TCERG1L: variants seen among roughly 807,000 people sequenced by gnomAD.
The protein encoded by TCERG1L is transcription elongation regulator 1-like protein.
Under a neutral mutation model 56.3 loss-of-function variants are expected in TCERG1L, and 37 were observed. That is an observed-to-expected ratio of 0.66 (90% CI 0.51 to 0.87). The LOEUF is 0.87. TCERG1L is among the 40% of genes least tolerant of loss of function. The pLI is 0.00. For missense variants in TCERG1L, 799 were observed against 774.2 expected, an observed-to-expected ratio of 1.03 and a Z score of -0.38; for synonymous variants, 324 against 326.3, an observed-to-expected ratio of 0.99 and a Z score of 0.08.
At chr10:131,275,161 G>A (rs766425055) in intron 3 of TCERG1L, among the ~76,000 whole-genome samples, 1 of 152,206 alleles carries the variant, frequency 6.6e-6, no homozygotes, top group Non-Finnish European at 1.5e-5. Flanking sequence ...CAGAGCTAAG[G>A]AGCTAAGAGG....
intron 4 of TCERG1L, among the ~76,000 whole-genome samples, chr10:131,171,994 C>T (rs906872076): frequency 2.0e-5 from 3 of 152,176 alleles, no homozygotes; most frequent in African/African-American, 7.2e-5. Context: ...TCAGTATCTC[C>T]CAATGCAAAA....
At chr10:131,231,468 G>A (rs1372606792) in intron 4 of TCERG1L, among the ~76,000 whole-genome samples, 1 of 152,268 alleles carries the variant, frequency 6.6e-6, no homozygotes. Flanking sequence ...CCCTGGAGCC[G>A]GCTGGCATCC....
At chr10:131,164,953 G>A (rs1410234194) in intron 5 of TCERG1L, among the ~76,000 whole-genome samples, 8 of 152,248 alleles carry the variant, frequency 5.3e-5, no homozygotes. Context: ...CCTGAGGGCT[G>A]CGCTGGGCCA....
intron 4 of TCERG1L, among the ~76,000 whole-genome samples, chr10:131,256,982 AAG>A (rs2133538805): frequency 1.2e-5 from 1 of 85,324 alleles, no homozygotes; most frequent in Non-Finnish European, 2.6e-5. Context: ...GGAAGGAAGG[AAG>A]GAAGGAAGGA....
chr10:131,237,095 C>T (rs1845920643), intron 4 of TCERG1L, among the ~76,000 whole-genome samples: 1 of 152,158 alleles, frequency 6.6e-6, no homozygotes, highest in Non-Finnish European at 1.5e-5. Flanking sequence ...GCTGCCCCTC[C>T]CCTCCTTGCT....
intron 4 of TCERG1L, among the ~76,000 whole-genome samples, chr10:131,248,802 T>C (rs1021915576): frequency 6.6e-6 from 1 of 152,208 alleles, no homozygotes; most frequent in Non-Finnish European, 1.5e-5. Context: ...TGGGGTGTCA[T>C]GCCCGGCAGA....
chr10:131,121,694 G>C (rs967176981), intron 8 of TCERG1L, among the ~76,000 whole-genome samples: 7 of 152,218 alleles, frequency 4.6e-5, no homozygotes, highest in African/African-American at 1.2e-4. Flanking sequence ...CTGGGCGTGG[G>C]CACAGAGACA....
At chr10:131,146,153 G>A (rs553409004) in intron 7 of TCERG1L, among the ~76,000 whole-genome samples, 115 of 152,298 alleles carry the variant, frequency 7.6e-4, no homozygotes, top group Non-Finnish European at 1.2e-3. Flanking sequence ...TCCCATCTGC[G>A]TACATCTGGT....
At chr10:131,106,228 G>A (rs1462520224) in intron 9 of TCERG1L, among the ~76,000 whole-genome samples, 4 of 152,196 alleles carry the variant, frequency 2.6e-5, no homozygotes. Context: ...TGGGTGTTGA[G>A]GATCTTGAGA....
intron 3 of TCERG1L, among the ~76,000 whole-genome samples, chr10:131,280,705 GCA>G (rs59263854): frequency 1.3e-4 from 19 of 150,442 alleles, no homozygotes; most frequent in South Asian, 4.2e-4. Flanking sequence ...CCTAAGATGT[GCA>G]CACACACACA....
intron 3 of TCERG1L, among the ~76,000 whole-genome samples, chr10:131,286,079 G>T (rs912996364): frequency 2.0e-5 from 3 of 152,038 alleles, no homozygotes; most frequent in African/African-American, 7.2e-5. Context: ...GCACAAGAAC[G>T]GAAAAGAAGA....
At chr10:131,197,988 T>C (rs2944471) in intron 4 of TCERG1L, among the ~76,000 whole-genome samples, 73,987 of 152,084 alleles carry the variant, frequency 0.49, 19,313 homozygotes, top group South Asian at 0.64. Context: ...TCATTTTCTA[T>C]AGTAGAATAG....
chr10:131,218,299 G>A (rs1182593977), intron 4 of TCERG1L, among the ~76,000 whole-genome samples: 1 of 152,140 alleles, frequency 6.6e-6, no homozygotes, highest in Non-Finnish European at 1.5e-5. Flanking sequence ...TAGAAATGCT[G>A]TTTTTAAAAC....
At chr10:131,158,215 C>A (rs1284124976) in intron 6 of TCERG1L, among the ~76,000 whole-genome samples, 1 of 152,342 alleles carries the variant, frequency 6.6e-6, no homozygotes, top group East Asian at 1.9e-4. Context: ...AGAAACATCA[C>A]CCTTCTGCTC....
chr10:131,208,084 A>G lies in TCERG1L; in HGVS notation c.857-41199T>C, dbSNP rs145575916. 5.8e-4 allele frequency among the ~76,000 whole-genome samples: 89 copies of G among 152,186 alleles called. No homozygotes were observed. The East Asian group carries it at 9.1e-3, about 16-fold the overall frequency. ...CCAGCCCTGCCTAGCCCACTATCCC[A>G]CATGAGGACCCCAAGGACCAGCTCA... On this transcript the variant is annotated intron_variant, in intron 4 of 11. Coordinates refer to ENST00000368642, the MANE Select transcript of TCERG1L (RefSeq NM_174937.4).
At chr10:131,263,873 T>A (rs938659062) in intron 3 of TCERG1L, among the ~76,000 whole-genome samples, 6 of 152,196 alleles carry the variant, frequency 3.9e-5, no homozygotes, top group Non-Finnish European at 8.8e-5. Flanking sequence ...TTTAACCACT[T>A]AGTAGTTTCA....
At position 131,267,371 on chromosome 10, in the gene TCERG1L, A is replaced by G. The variant is rs1462308615; in HGVS notation, c.671-6927T>C. 1.3e-5 allele frequency among the ~76,000 whole-genome samples: 2 copies of G among 152,040 alleles called. No individual in the cohort carries two copies. Among genetic ancestry groups the G allele is most frequent in the Non-Finnish European group, 2.9e-5 (2 of 68,008 alleles). On this transcript the variant is annotated intron_variant, in intron 3 of 11. Coordinates refer to ENST00000368642, the MANE Select transcript of TCERG1L (RefSeq NM_174937.4). This position sits in a 1 kb window ranked among gnomAD's most constrained non-coding sequence, Gnocchi z 4.9. ...GAGAGGCCAGGCAGCAGGAGCAGAT[A>G]CCCCCAAGCCTAAGCCCTGAGAGCA... is the stretch of plus-strand genomic sequence containing the variant.
intron 3 of TCERG1L, among the ~76,000 whole-genome samples, chr10:131,272,362 T>C (rs959571759): frequency 1.8e-4 from 27 of 152,200 alleles, no homozygotes; most frequent in African/African-American, 6.5e-4. Context: ...TTCTGGTGTT[T>C]GTTGTTCTGG....
intron 9 of TCERG1L, among the ~76,000 whole-genome samples, chr10:131,112,960 C>G (rs1845425442): frequency 7.0e-6 from 1 of 142,324 alleles, no homozygotes; most frequent in African/African-American, 2.5e-5. Context: ...GTGGCCAGCA[C>G]AGGCAGAGTT....
Sources: allele counts gnomAD v4.1 joint callset (sites outside exome capture counted in the v4.1 genomes callset), GRCh38; gene constraint gnomAD v4.1.1; non-coding constraint Gnocchi (gnomAD v3.1); transcripts MANE v1.5; gene names NCBI Gene and HGNC (gene_info 2026-07-23, HGNC 2026-07-21).